Variants in MAP2 observed in about 807,000 individuals in gnomAD.
MAP2 encodes microtubule-associated protein 2.
Under a neutral mutation model 137.6 loss-of-function variants are expected in MAP2, and 14 were observed. The ratio of observed to expected loss-of-function variants is 0.10; its 90% CI spans 0.07 to 0.16. The LOEUF is 0.16. Among genes scored for constraint, MAP2 ranks in the 10% least tolerant of loss-of-function variants. The pLI is 1.00. For missense variants in MAP2, 2,088 were observed against 2,191.5 expected (o/e 0.95, Z 0.94); for synonymous variants, 786 against 782.3 (o/e 1.00, Z -0.08).
chr2:209,619,355 GT>G (rs1467749211), intron 3 of MAP2, among the ~76,000 whole-genome samples: 1 of 151,974 alleles, frequency 6.6e-6, no homozygotes, highest in Non-Finnish European at 1.5e-5. Flanking sequence ...ATTCTACAAT[GT>G]ATACATATTT....
chr2:209,616,674 G>A (rs938791299), intron 3 of MAP2, among the ~76,000 whole-genome samples: 1 of 149,520 alleles, frequency 6.7e-6, no homozygotes, highest in African/African-American at 2.5e-5. Context: ...CAAACAAGGG[G>A]TGTAGTGTAA....
chr2:209,471,291 G>A (rs1338471560), intron 1 of MAP2, among the ~76,000 whole-genome samples: 1 of 152,100 alleles, frequency 6.6e-6, no homozygotes, highest in Non-Finnish European at 1.5e-5. Flanking sequence ...TTTTGCCTCA[G>A]AATACTCACT....
At chr2:209,520,055 T>TA (rs1172022224) in intron 2 of MAP2, among the ~76,000 whole-genome samples, 1 of 152,100 alleles carries the variant, frequency 6.6e-6, no homozygotes, top group African/African-American at 2.4e-5. Context: ...ACTGCTCAAC[T>TA]ACTCATTCAG....
chr2:209,474,670 A>T (rs559261657), intron 1 of MAP2, among the ~76,000 whole-genome samples: 2 of 152,208 alleles, frequency 1.3e-5, no homozygotes, highest in East Asian at 3.9e-4. Flanking sequence ...GTAACAAAGT[A>T]TAACTTTATT....
intron 2 of MAP2, among the ~76,000 whole-genome samples, chr2:209,549,702 A>G (rs1559307918): frequency 1.3e-5 from 2 of 152,204 alleles, no homozygotes; most frequent in Non-Finnish European, 1.5e-5. Flanking sequence ...TTTCATGGCA[A>G]CAATCACAAG....
chr2:209,463,713 T>C (rs763832471), intron 1 of MAP2, among the ~76,000 whole-genome samples: 6 of 152,256 alleles, frequency 3.9e-5, no homozygotes, highest in Non-Finnish European at 8.8e-5. Context: ...ACCTGAGTTA[T>C]AACATTTTAA....
intron 2 of MAP2, chr2:209,579,827 A>G (rs999131579): frequency 6.6e-6 from 1 of 152,140 alleles, no homozygotes; most frequent in African/African-American, 2.4e-5. Flanking sequence ...TGCTTTATGT[A>G]ATCTCAGAGT....
chr2:209,440,239 A>G (rs2149384656), intron 1 of MAP2, among the ~76,000 whole-genome samples: 1 of 151,624 alleles, frequency 6.6e-6, no homozygotes, highest in East Asian at 1.9e-4. Flanking sequence ...TAAATCAATG[A>G]ATAGTTTTAG....
At chr2:209,697,188 G>C (rs980964595) in intron 10 of MAP2, 137 bp downstream of exon 10, 11 of 798,288 alleles carry the variant, frequency 1.4e-5, no homozygotes, top group Non-Finnish European at 1.9e-5. Flanking sequence ...GCTATTAAGT[G>C]TCTTGTATCA....
chr2:209,494,110 A>G (rs2059452304), intron 1 of MAP2, among the ~76,000 whole-genome samples: 1 of 152,218 alleles, frequency 6.6e-6, no homozygotes, highest in African/African-American at 2.4e-5. Flanking sequence ...GCTATAAAAA[A>G]GAACGAGTTC....
At chr2:209,727,969 AAATT>A (rs1165969065) in intron 14 of MAP2, among the ~76,000 whole-genome samples, 2 of 152,214 alleles carry the variant, frequency 1.3e-5, no homozygotes, top group African/African-American at 4.8e-5. Context: ...CTCTACAAAA[AAATT>A]AAGAATAAAA....
chr2:209,592,160 A>T (rs766339110), intron 3 of MAP2, among the ~76,000 whole-genome samples: 10 of 152,172 alleles, frequency 6.6e-5, no homozygotes, highest in Non-Finnish European at 1.2e-4. Context: ...GATAGTAAAT[A>T]TTCTTGGCTT....
chr2:209,639,298 TTCAA>T (rs1393304842), intron 4 of MAP2, among the ~76,000 whole-genome samples: 1 of 152,204 alleles, frequency 6.6e-6, no homozygotes, highest in African/African-American at 2.4e-5. Context: ...TATCATTCTT[TTCAA>T]AACATACATG....
chr2:209,696,970 C>T lies in MAP2; in HGVS notation c.4441C>T (p.Pro1481Ser). Residue 1481 changes from proline to serine, a missense_variant, in exon 10 of 16, where the codon CCC becomes TCC. Coordinates refer to ENST00000682079, the MANE Select transcript of MAP2 (RefSeq NM_001375505.1). ...AAAAACAGAAGTTCAGGCCCACTCT[C>T]CCTCCAGGAAATTCATTTTAAAACC... Reference protein sequence around the residue: ...AKKTEVQAHSPSRKFILKPAI... With the variant: ...AKKTEVQAHSSSRKFILKPAI... 6.2e-7 allele frequency: 1 copy of T among 1,613,358 alleles called. No homozygotes were observed. Among genetic ancestry groups the T allele is most frequent in the Non-Finnish European group, 8.5e-7 (1 of 1,179,796 alleles).
At chr2:209,554,663 C>G (rs2070081364) in intron 2 of MAP2, among the ~76,000 whole-genome samples, 8 of 151,764 alleles carry the variant, frequency 5.3e-5, no homozygotes, top group Admixed American at 5.3e-4. Context: ...GGTGGGAGGA[C>G]TGATAGAGCC....
intron 3 of MAP2, among the ~76,000 whole-genome samples, chr2:209,586,507 C>T (rs760566918): frequency 3.3e-5 from 5 of 152,130 alleles, no homozygotes; most frequent in Non-Finnish European, 5.9e-5. Flanking sequence ...TACCTAATTC[C>T]ATTCCCGTTT....
intron 3 of MAP2, among the ~76,000 whole-genome samples, chr2:209,615,826 A>G (rs1373781511): frequency 1.3e-5 from 2 of 152,138 alleles, no homozygotes; most frequent in South Asian, 2.1e-4. Context: ...TATTTTACAT[A>G]TACCTACTCT....
chr2:209,473,549 T>C (rs1706356442), intron 1 of MAP2, among the ~76,000 whole-genome samples: 1 of 152,090 alleles, frequency 6.6e-6, no homozygotes, highest in African/African-American at 2.4e-5. Context: ...TTTTATATTA[T>C]GATTTATCAC....
rs189687511 is a variant in MAP2 at position 209,527,240 on chromosome 2, C to G, written c.-172+19599C>G. On this transcript the variant is annotated intron_variant, in intron 2 of 15. Coordinates refer to ENST00000682079, the MANE Select transcript of MAP2 (RefSeq NM_001375505.1). The stretch of plus-strand genomic sequence containing the variant: ...CACTTACTCTACCCTGTATTTTTCT[C>G]CATAGCATTTCTATATTACTGATAT... 4.4e-3 allele frequency among the ~76,000 whole-genome samples: 666 copies of G among 152,196 alleles called. 6 individuals are homozygous for G. Among genetic ancestry groups the G allele is most frequent in the African/African-American group, 0.015 (631 of 41,534 alleles).
Sources: gnomAD v4.1 joint callset for allele counts (sites outside exome capture counted in the v4.1 genomes callset) on GRCh38, gnomAD v4.1.1 for gene constraint, MANE v1.5 for transcripts, NCBI Gene and HGNC (gene_info 2026-07-23, HGNC 2026-07-21) for gene names.